RBM33: variants seen among roughly 807,000 people sequenced by gnomAD.
RBM33 encodes RNA-binding protein 33.
In RBM33, 28 loss-of-function variants were observed where a neutral mutation model predicts 132.6. The ratio of observed to expected loss-of-function variants is 0.21; its 90% CI spans 0.16 to 0.29. The LOEUF (loss-of-function observed/expected upper bound fraction) is 0.29, where lower values mean the gene tolerates loss of function less well. Among genes scored for constraint, RBM33 ranks in the 10% least tolerant of loss-of-function variants. RBM33 has a pLI of 1.00. For synonymous variants in RBM33, 634 were observed against 593.0 expected, an observed-to-expected ratio of 1.07 and a Z score of -1.01; for missense variants, 1,291 against 1,518.5, an observed-to-expected ratio of 0.85 and a Z score of 2.49.
intron 3 of RBM33, among the ~76,000 whole-genome samples, chr7:155,673,184 A>G (rs1319026815): frequency 7.0e-6 from 1 of 143,130 alleles, no homozygotes; most frequent in Non-Finnish European, 1.5e-5. Flanking sequence ...CAGCGTTAAC[A>G]TAGAGTTATT....
chr7:155,745,630 C>A lies in RBM33; in HGVS notation c.2979+28C>A. 1.3e-6 allele frequency: 2 copies of A among 1,527,642 alleles called. No individual in the cohort carries two copies. Among genetic ancestry groups the A allele is most frequent in the Non-Finnish European group, 8.8e-7 (1 of 1,137,050 alleles). 94.6% of individuals were successfully genotyped at this position (1,527,642 alleles called of 1,614,324 possible). On this transcript the variant is annotated intron_variant, in intron 14 of 17. Transcript: ENST00000401878. This position sits in a 1 kb window ranked among gnomAD's most constrained non-coding sequence, Gnocchi z 4.1. ...AAGTTGACAAGTTTTATGAGAGCCT[C>A]TTTGAGTCTGTGTATCACATAGAAT... is the stretch of plus-strand genomic sequence containing the variant.
chr7:155,654,107 A>G (rs903211619), intron 1 of RBM33, among the ~76,000 whole-genome samples: 1 of 152,200 alleles, frequency 6.6e-6, no homozygotes, highest in Non-Finnish European at 1.5e-5. Flanking sequence ...TTAAAAACCA[A>G]ACTTATTAAC....
At chr7:155,743,301 A>ACT (rs1169183011) in intron 13 of RBM33, among the ~76,000 whole-genome samples, 2 of 152,232 alleles carry the variant, frequency 1.3e-5, no homozygotes, top group African/African-American at 4.8e-5. Flanking sequence ...CCAGCTCCTA[A>ACT]CTCAGTATGT....
At chr7:155,661,501 G>C (rs1798649862) in intron 1 of RBM33, among the ~76,000 whole-genome samples, 1 of 150,114 alleles carries the variant, frequency 6.7e-6, no homozygotes, top group South Asian at 2.1e-4. Flanking sequence ...TCTGCCTCCT[G>C]GGTTCAAGCA....
At chr7:155,672,774 A>G in intron 2 of RBM33, 93 bp from the exon 3 acceptor site, 1 of 623,432 alleles carries the variant, frequency 1.6e-6, no homozygotes, top group Non-Finnish European at 2.7e-6. Flanking sequence ...AAGGTACCTG[A>G]GCTGTAGAGT....
intron 8 of RBM33, among the ~76,000 whole-genome samples, chr7:155,714,694 G>A (rs547798623): frequency 6.6e-6 from 1 of 152,268 alleles, no homozygotes; most frequent in South Asian, 2.1e-4. Context: ...GAAGGTGAAG[G>A]AACTCAAGGG....
chr7:155,755,328 A>G (rs1801815466), intron 14 of RBM33, among the ~76,000 whole-genome samples: 1 of 152,216 alleles, frequency 6.6e-6, no homozygotes, highest in African/African-American at 2.4e-5. Flanking sequence ...CTGTCCTCTC[A>G]GTATGGAGTA....
chr7:155,680,837 C>G lies in RBM33; in HGVS notation c.496C>G (p.Pro166Ala), dbSNP rs752230338. ...TEDQIEYVEE[P>A]EEEQLYTDEV... ...AGACCAAATAGAATATGTGGAAGAGCCAGAGGAGGAGCAGCTTTACACTGA... is the reference window on the plus strand; with the variant it reads ...AGACCAAATAGAATATGTGGAAGAGGCAGAGGAGGAGCAGCTTTACACTGA... Residue 166 changes from proline (P) to alanine (A), a missense_variant, in exon 5 of 18, where the codon CCA (proline) becomes GCA (alanine). By Grantham distance (27) the Pro-to-Ala change is conservative (BLOSUM62 -1). This residue lies in a region of RBM33 where 194 missense variants were observed against 249.8 expected (regional missense o/e 0.78). Transcript: ENST00000401878. 1 of 1,613,738 alleles carries G rather than the reference C, an allele frequency of 6.2e-7. No individual in the cohort carries two copies. Among genetic ancestry groups the G allele is most frequent in the Non-Finnish European group, 8.5e-7 (1 of 1,179,796 alleles).
At chr7:155,715,795 G>A (rs1800444017) in intron 8 of RBM33, among the ~76,000 whole-genome samples, 1 of 152,212 alleles carries the variant, frequency 6.6e-6, no homozygotes, top group Admixed American at 6.5e-5. Flanking sequence ...TTCCTCTTGA[G>A]AGAGACTGAA....
At chr7:155,670,731 G>A (rs187211066) in intron 2 of RBM33, among the ~76,000 whole-genome samples, 196 of 152,194 alleles carry the variant, frequency 1.3e-3, no homozygotes, top group Non-Finnish European at 2.4e-3. Flanking sequence ...AGCGGATGCT[G>A]TGGATCGCTG....
At chr7:155,672,339 T>C (rs1328196731) in intron 2 of RBM33, among the ~76,000 whole-genome samples, 1 of 151,952 alleles carries the variant, frequency 6.6e-6, no homozygotes, top group Non-Finnish European at 1.5e-5. Context: ...ATTAGAAGTA[T>C]AGTGAGGCAC....
At chr7:155,708,986 G>A (rs906600205) in intron 7 of RBM33, among the ~76,000 whole-genome samples, 4 of 151,538 alleles carry the variant, frequency 2.6e-5, no homozygotes, top group African/African-American at 7.3e-5. Flanking sequence ...GTGCCCTCAA[G>A]AGATGCCACC....
At chr7:155,662,377 C>G (rs1798676308) in intron 1 of RBM33, among the ~76,000 whole-genome samples, 1 of 152,160 alleles carries the variant, frequency 6.6e-6, no homozygotes, top group Admixed American at 6.5e-5. Context: ...GGCCATATTT[C>G]CAGCTGCTTT....
rs764791805 is a variant in RBM33 at position 155,711,436 on chromosome 7, G to A, written c.1182G>A (p.Thr394=). 1.6e-5 allele frequency: 24 copies of A among 1,494,030 alleles called. No homozygotes were observed. The Admixed American group carries it at 3.6e-4, about 22-fold the overall frequency. The allele number at this position is 1,494,030 out of a possible 1,614,324, so 92.5% of individuals were successfully genotyped here. The part of the protein sequence containing the change: ...NIHINPHFKG[T]VVTPVQVPLL... ...ACATCAACCCGCACTTCAAAGGGAC[G>A]GTGGTCACGCCTGTTCAAGGTCTGT... Residue 394 remains threonine (T), a synonymous_variant, in exon 8 of 18, where the codon ACG becomes ACA. Transcript: ENST00000401878.
chr7:155,743,589 A>G (rs1801420227), intron 13 of RBM33, among the ~76,000 whole-genome samples: 1 of 152,150 alleles, frequency 6.6e-6, no homozygotes. Flanking sequence ...CCAGGATTAT[A>G]TATATTTTTT....
At chr7:155,647,626 T>A (rs577772557) in intron 1 of RBM33, among the ~76,000 whole-genome samples, 1 of 152,308 alleles carries the variant, frequency 6.6e-6, no homozygotes, top group African/African-American at 2.4e-5. Context: ...AGACAGGGTT[T>A]TGCCAAGGTG....
Position 155,742,078 on chromosome 7 carries a change from C to A in RBM33, c.2309C>A (p.Pro770His), listed in dbSNP as rs761914516. Residue 770 changes from proline to histidine, a missense_variant, in exon 13 of 18, where the codon CCT becomes CAT. Pro to His is a moderately conservative substitution (Grantham distance 77, BLOSUM62 -2). Transcript: ENST00000401878. ...KVKPASPVAQ[P>H]KEEAKTETEF... ...AAGCCAGCTAGCCCTGTGGCTCAACCTAAAGAAGAGGCAAAAACAGAAACA... is the reference window on the plus strand; with the variant it reads ...AAGCCAGCTAGCCCTGTGGCTCAACATAAAGAAGAGGCAAAAACAGAAACA... 6.2e-7 allele frequency: 1 copy of A among 1,613,470 alleles called. No individual in the cohort carries two copies. Among genetic ancestry groups the A allele is most frequent in the Non-Finnish European group, 8.5e-7 (1 of 1,179,630 alleles).
intron 5 of RBM33, among the ~76,000 whole-genome samples, chr7:155,694,703 C>A (rs1799744305): frequency 6.6e-6 from 1 of 152,164 alleles, no homozygotes; most frequent in African/African-American, 2.4e-5. Flanking sequence ...CTGTGTCTTG[C>A]TTCTGTTGCT....
rs1171289682 is a variant in RBM33, at chr7:155,673,653, TATACACAC to T, written c.171+742_171+749del. On this transcript the variant is annotated intron_variant, in intron 3 of 17. Transcript: ENST00000401878. ...ACACATATACATACACACGTGTATA[TATACACAC>T]ATATACATACACACGTGTATATATA... Among the ~76,000 whole-genome samples the T allele has an allele frequency of 1.0e-3, 120 of 116,042 alleles. 15 individuals are homozygous for T. Among genetic ancestry groups the T allele is most frequent in the African/African-American group, 3.7e-3 (104 of 27,882 alleles). 76.1% of individuals were successfully genotyped at this position (116,042 alleles called of 152,430 possible). A position where few individuals can be genotyped will look rare whatever the true frequency, so the allele number is the denominator to read the frequency against.
Sources: allele counts gnomAD v4.1 joint callset (sites outside exome capture counted in the v4.1 genomes callset), GRCh38; gene constraint gnomAD v4.1.1; regional missense constraint gnomAD v4.1.1; non-coding constraint Gnocchi (gnomAD v3.1); transcripts MANE v1.5; gene names NCBI Gene and HGNC (gene_info 2026-07-23, HGNC 2026-07-21).